UPRT: variants seen among roughly 807,000 people sequenced by gnomAD.
The protein encoded by UPRT is uracil phosphoribosyltransferase homolog.
UPRT carries 5 observed loss-of-function variants against 22.6 expected under a neutral mutation model. The observed-to-expected ratio is 0.22, with a 90% confidence interval of 0.12 to 0.47. The LOEUF (loss-of-function observed/expected upper bound fraction) is 0.47, where lower values mean the gene tolerates loss of function less well. Ranked by LOEUF, UPRT falls within the 20% of genes least tolerant of loss-of-function variation. UPRT has a pLI of 0.99. For missense variants in UPRT, 181 were observed against 239.9 expected (o/e 0.75, Z 1.62); for synonymous variants, 77 against 87.7 (o/e 0.88, Z 0.68).
intron 4 of UPRT, among the ~76,000 whole-genome samples, chrX:75,253,169 T>C (rs952228736): frequency 9.0e-6 from 1 of 111,333 alleles, no homozygotes; most frequent in Non-Finnish European, 1.9e-5. Context: ...TGTGCACATG[T>C]ACCCTAATAC....
intron 4 of UPRT, among the ~76,000 whole-genome samples, chrX:75,186,555 T>G (rs1022134624): frequency 1.2e-4 from 13 of 111,232 alleles, no homozygotes; most frequent in Admixed American, 1.9e-4. Flanking sequence ...GTGCAGAGCT[T>G]AGTTCAATTC....
chrX:75,180,681 G>GTT (rs59522302), intron 4 of UPRT, among the ~76,000 whole-genome samples: 8 of 43,888 alleles, frequency 1.8e-4, no homozygotes, highest in East Asian at 8.7e-4. Flanking sequence ...CCTTTTCTCT[G>GTT]TTTTTTTTTT....
chrX:75,161,385 A>G (rs764352327), intron 2 of UPRT, among the ~76,000 whole-genome samples: 79 of 113,071 alleles, frequency 7.0e-4, no homozygotes, highest in Non-Finnish European at 1.1e-3. Context: ...AGTTGTTTGT[A>G]TAAAAATTAA....
intron 4 of UPRT, among the ~76,000 whole-genome samples, chrX:75,177,285 T>C (rs1019630736): frequency 1.3e-4 from 14 of 109,580 alleles, no homozygotes; most frequent in African/African-American, 4.5e-4. Flanking sequence ...TGGACCCTGC[T>C]GATCGGAATA....
upstream of UPRT, among the ~76,000 whole-genome samples, chrX:75,269,725 CCTTT>C (rs1266398319): frequency 9.0e-6 from 1 of 111,586 alleles, no homozygotes; most frequent in African/African-American, 3.3e-5. Flanking sequence ...AAACTGGACC[CCTTT>C]CTAACACTTT....
At chrX:75,188,613 TCCCCGAG>T (rs889487419) in intron 4 of UPRT, among the ~76,000 whole-genome samples, 22 of 112,256 alleles carry the variant, frequency 2.0e-4, no homozygotes, top group Non-Finnish European at 3.2e-4. Context: ...CGGGCGCCCC[TCCCCGAG>T]CCTCGCTGCC....
intron 4 of UPRT, among the ~76,000 whole-genome samples, chrX:75,249,182 T>A (rs2082518710): frequency 9.0e-6 from 1 of 111,528 alleles, no homozygotes; most frequent in East Asian, 2.8e-4. Context: ...AACATCATAA[T>A]GACAGGATCA....
chrX:75,167,780 A>T, intron 3 of UPRT, among the ~76,000 whole-genome samples: 1 of 106,038 alleles, frequency 9.4e-6, no homozygotes. Context: ...TCAAATGTTC[A>T]CTTTACTTTT....
chrX:75,303,537 A>C lies in UPRT; in HGVS notation c.*26A>C. ...GTTATTTAAGTAAAATAATTATCTT[A>C]TGTAATATTACAATCATGTTTTGAT... is the stretch of plus-strand genomic sequence containing the variant. On this transcript the variant is annotated 3_prime_UTR_variant, in exon 7 of 7. Coordinates refer to ENST00000373383, the MANE Select transcript of UPRT (RefSeq NM_145052.4). 1 of 1,053,274 alleles carries C rather than the reference A, an allele frequency of 9.5e-7. No individual in the cohort carries two copies. The highest frequency in any genetic ancestry group is 1.3e-6 in the Non-Finnish European group (1 of 771,309). The allele number at this position is 1,053,274 out of a possible 1,213,427, so 86.8% of individuals were successfully genotyped here.
chrX:75,234,933 G>A (rs1178536600), intron 4 of UPRT, among the ~76,000 whole-genome samples: 1 of 111,362 alleles, frequency 9.0e-6, no homozygotes, highest in Non-Finnish European at 1.9e-5. Flanking sequence ...AAATAACTAA[G>A]ATCAGAGCAG....
chrX:75,167,577 A>G (rs182971177), intron 3 of UPRT, among the ~76,000 whole-genome samples: 29 of 111,960 alleles, frequency 2.6e-4, no homozygotes, highest in African/African-American at 9.1e-4. Context: ...TTTAAATGCT[A>G]TGTTTCACTT....
intron 4 of UPRT, among the ~76,000 whole-genome samples, chrX:75,254,965 C>T (rs1484206903): frequency 3.7e-5 from 4 of 109,259 alleles, no homozygotes; most frequent in South Asian, 3.9e-4. Flanking sequence ...GTAGTAGAGA[C>T]GGGGTTTCAC....
chrX:75,259,776 C>T (rs923666273), intron 4 of UPRT, among the ~76,000 whole-genome samples: 11 of 110,723 alleles, frequency 9.9e-5, no homozygotes, highest in African/African-American at 3.0e-4. Flanking sequence ...AGATACTCCT[C>T]GAGAAGAGCA....
At chrX:75,278,950 T>G (rs187804853) in intron 1 of UPRT, among the ~76,000 whole-genome samples, 279 of 111,900 alleles carry the variant, frequency 2.5e-3, no homozygotes, top group South Asian at 0.012. Flanking sequence ...AAGTAATGTA[T>G]TGTCCTTAAC....
chrX:75,202,070 C>A (rs1189575676), intron 4 of UPRT, among the ~76,000 whole-genome samples: 1 of 111,287 alleles, frequency 9.0e-6, no homozygotes, highest in Non-Finnish European at 1.9e-5. Context: ...AAAAGGAAGA[C>A]CATGGGAAAA....
intron 4 of UPRT, among the ~76,000 whole-genome samples, chrX:75,214,034 T>C (rs559659805): frequency 8.9e-6 from 1 of 112,086 alleles, no homozygotes; most frequent in East Asian, 2.8e-4. Context: ...TATACATTGT[T>C]CTCAAGCTCA....
chrX:75,213,245 A>G (rs2082384394), intron 4 of UPRT, among the ~76,000 whole-genome samples: 1 of 112,256 alleles, frequency 8.9e-6, no homozygotes, highest in Non-Finnish European at 1.9e-5. Context: ...TTTTATAAAC[A>G]TTAAATGGTC....
intron 1 of UPRT, among the ~76,000 whole-genome samples, chrX:75,281,239 A>G (rs1250636742): frequency 2.7e-5 from 3 of 111,457 alleles, no homozygotes; most frequent in African/African-American, 9.8e-5. Context: ...CACTTTATCA[A>G]TTTGGATGCC....
intron 2 of UPRT, among the ~76,000 whole-genome samples, chrX:75,161,939 C>T (rs1446403436): frequency 2.7e-5 from 3 of 111,051 alleles, no homozygotes; most frequent in South Asian, 3.8e-4. Flanking sequence ...AGCTTTATCT[C>T]GACAAAAATA....
Sources: allele counts gnomAD v4.1 joint callset (sites outside exome capture counted in the v4.1 genomes callset), GRCh38; gene constraint gnomAD v4.1.1; transcripts MANE v1.5; gene names NCBI Gene and HGNC (gene_info 2026-07-23, HGNC 2026-07-21).